MALRD1: variants seen among roughly 807,000 people sequenced by gnomAD.
MALRD1 encodes MAM and LDL receptor class A domain containing 1, also known as MAM and LDL-receptor class A domain-containing protein 1.
A neutral mutation model predicts 242.1 loss-of-function variants in MALRD1; 247 were observed. The ratio of observed to expected loss-of-function variants is 1.02; its 90% CI spans 0.92 to 1.13. The LOEUF is 1.13. Among genes scored for constraint, MALRD1 ranks in the 50% most tolerant of loss-of-function variants. The pLI, the probability that MALRD1 is intolerant of heterozygous loss-of-function variation, is 0.00. For missense variants in MALRD1, 2,989 were observed against 2,533.1 expected (o/e 1.18, Z -3.86); for synonymous variants, 995 against 866.6 (o/e 1.15, Z -2.60).
chr10:19,468,297 T>C (rs1367691876), intron 29 of MALRD1, among the ~76,000 whole-genome samples: 1 of 152,160 alleles, frequency 6.6e-6, no homozygotes, highest in African/African-American at 2.4e-5. Context: ...TGCTTTTATT[T>C]TCTTAATTGC....
At chr10:19,500,801 T>A (rs537542279) in intron 31 of MALRD1, among the ~76,000 whole-genome samples, 5 of 152,344 alleles carry the variant, frequency 3.3e-5, no homozygotes, top group Non-Finnish European at 7.3e-5. Context: ...TATTATGTGA[T>A]CATTTATATG....
chr10:19,573,240 G>A (rs149968860), intron 33 of MALRD1, among the ~76,000 whole-genome samples: 1 of 152,092 alleles, frequency 6.6e-6, no homozygotes, highest in Non-Finnish European at 1.5e-5. Context: ...AACTCTCCCT[G>A]GCCCTGGAAG....
chr10:19,369,227 TATAA>T (rs898724973), intron 26 of MALRD1, among the ~76,000 whole-genome samples: 2 of 146,530 alleles, frequency 1.4e-5, no homozygotes, highest in Non-Finnish European at 3.0e-5. Context: ...AATTCTTGTA[TATAA>T]ATATATTTAT....
At chr10:19,237,257 A>C (rs1838360982) in intron 18 of MALRD1, among the ~76,000 whole-genome samples, 2 of 151,478 alleles carry the variant, frequency 1.3e-5, no homozygotes, top group Admixed American at 1.3e-4. Context: ...TTGTGATTTC[A>C]TAACTGTTAA....
At chr10:19,596,897 G>T (rs1838126859) in intron 34 of MALRD1, among the ~76,000 whole-genome samples, 1 of 151,668 alleles carries the variant, frequency 6.6e-6, no homozygotes, top group African/African-American at 2.4e-5. Context: ...AGGAAGGAAA[G>T]ATGGAAAGAT....
intron 29 of MALRD1, among the ~76,000 whole-genome samples, chr10:19,464,207 T>G (rs1836103950): frequency 6.6e-6 from 1 of 152,198 alleles, no homozygotes; most frequent in Non-Finnish European, 1.5e-5. Flanking sequence ...ATGCAGCAGC[T>G]CTTTAATTTA....
At chr10:19,171,938 TATCATATAATATATGTATATATC>T (rs781035653) in intron 13 of MALRD1, among the ~76,000 whole-genome samples, 5,728 of 132,890 alleles carry the variant, frequency 0.043, 257 homozygotes, top group Non-Finnish European at 0.066. Flanking sequence ...GTGATATATA[TATCATATAATATATGTATATATC>T]ACATATATGT....
intron 28 of MALRD1, among the ~76,000 whole-genome samples, chr10:19,443,297 G>C (rs1456779117): frequency 1.3e-5 from 2 of 152,108 alleles, no homozygotes; most frequent in Non-Finnish European, 2.9e-5. Context: ...TTTTTTGAAG[G>C]GTTTTATTGT....
chr10:19,695,584 A>G (rs1276589412), intron 38 of MALRD1, among the ~76,000 whole-genome samples: 2 of 149,308 alleles, frequency 1.3e-5, no homozygotes, highest in African/African-American at 5.0e-5. Context: ...CAGTGGCACA[A>G]TCTCAGCTCA....
At chr10:19,051,936 A>AC (rs1564362057) in intron 1 of MALRD1, 1 of 193,472 alleles carries the variant, frequency 5.2e-6, no homozygotes, top group African/African-American at 2.4e-5. Flanking sequence ...AAAAAAAAAA[A>AC]AAAAAAAAAA....
chr10:19,067,968 A>G (rs1835030528), intron 2 of MALRD1, among the ~76,000 whole-genome samples: 1 of 152,122 alleles, frequency 6.6e-6, no homozygotes, highest in Admixed American at 6.6e-5. Context: ...CAGTTTTATT[A>G]CCAAAAAGGG....
intron 36 of MALRD1, among the ~76,000 whole-genome samples, chr10:19,647,179 C>T (rs1840697641): frequency 6.6e-6 from 1 of 152,114 alleles, no homozygotes; most frequent in Non-Finnish European, 1.5e-5. Flanking sequence ...ATCAAAGTGC[C>T]CTGTTTTATC....
chr10:19,322,079 A>G (rs1210772695), intron 21 of MALRD1, among the ~76,000 whole-genome samples: 1 of 152,160 alleles, frequency 6.6e-6, no homozygotes, highest in African/African-American at 2.4e-5. Flanking sequence ...GATGTAGCAC[A>G]TTGAAATAAT....
At position 19,124,935 on chromosome 10, in the gene MALRD1, C is replaced by CTTTTTT; in HGVS notation, c.943+288_943+293dup. ...CGTGTGAACAAAAAGTATTAAAAGG[C>CTTTTTT]TTTTTTTTTTTTTTTTTTTTTTTTT... On this transcript the variant is annotated intron_variant, in intron 7 of 39. Coordinates refer to ENST00000454679, the MANE Select transcript of MALRD1 (RefSeq NM_001142308.3). Among the ~76,000 whole-genome samples, 57 of 52,594 alleles carry CTTTTTT rather than the reference C, an allele frequency of 1.1e-3. 16 individuals carry two copies. Among genetic ancestry groups the CTTTTTT allele is most frequent in the Non-Finnish European group, 1.3e-3 (41 of 31,516 alleles). The allele number at this position is 52,594 out of a possible 152,430, so 34.5% of individuals were successfully genotyped here.
chr10:19,368,419 A>G (rs1845199027), intron 26 of MALRD1, among the ~76,000 whole-genome samples: 1 of 151,926 alleles, frequency 6.6e-6, no homozygotes, highest in African/African-American at 2.4e-5. Context: ...TCAAAAATCA[A>G]TTGACTGTAG....
chr10:19,281,648 T>A (rs1840815618), intron 20 of MALRD1, among the ~76,000 whole-genome samples: 1 of 152,076 alleles, frequency 6.6e-6, no homozygotes, highest in South Asian at 2.1e-4. Flanking sequence ...CTATACAGAT[T>A]TTCTAACTGA....
At chr10:19,514,469 A>G (rs1157994545) in intron 31 of MALRD1, among the ~76,000 whole-genome samples, 1 of 151,998 alleles carries the variant, frequency 6.6e-6, no homozygotes, top group East Asian at 1.9e-4. Flanking sequence ...CTGTAGGAAA[A>G]CTCCCTAAGT....
chr10:19,145,296 A>G (rs1264168792), intron 10 of MALRD1, among the ~76,000 whole-genome samples: 1 of 152,094 alleles, frequency 6.6e-6, no homozygotes, highest in Admixed American at 6.6e-5. Flanking sequence ...CAGTTCTTTT[A>G]TGATAAATGG....
intron 36 of MALRD1, among the ~76,000 whole-genome samples, chr10:19,636,924 A>AT (rs200113718): frequency 3.4e-4 from 51 of 148,494 alleles, no homozygotes; most frequent in Admixed American, 2.7e-3. Flanking sequence ...CGCAGAGTAG[A>AT]TTTTTTTAAA....
Sources: gnomAD v4.1 joint callset for allele counts (sites outside exome capture counted in the v4.1 genomes callset) on GRCh38, gnomAD v4.1.1 for gene constraint, MANE v1.5 for transcripts, NCBI Gene and HGNC (gene_info 2026-07-23, HGNC 2026-07-21) for gene names.